NOX4: variants seen among roughly 807,000 people sequenced by gnomAD.
NOX4 encodes the protein kidney oxidase-1.
Under a neutral mutation model 87.6 loss-of-function variants are expected in NOX4, and 69 were observed. The observed-to-expected ratio is 0.79, with a 90% CI of 0.65 to 0.96. The LOEUF is 0.96. Ranked by LOEUF, NOX4 falls within the 40% of genes least tolerant of loss-of-function variation. NOX4 has a pLI of 0.00. For missense variants in NOX4, 680 were observed against 681.5 expected, an observed-to-expected ratio of 1.00 and a Z score of 0.02; for synonymous variants, 275 against 238.2, an observed-to-expected ratio of 1.15 and a Z score of -1.42.
At chr11:89,509,081 T>C in the NOX4 span, among the ~76,000 whole-genome samples, 1 of 151,630 alleles carries the variant, frequency 6.6e-6, no homozygotes, top group Non-Finnish European at 1.5e-5. Context: ...ATATCATAAT[T>C]CTGTTCCTCA....
At chr11:89,478,103 C>T (rs1230283697) in intron 2 of NOX4, among the ~76,000 whole-genome samples, 3 of 151,842 alleles carry the variant, frequency 2.0e-5, no homozygotes, top group Non-Finnish European at 4.4e-5. Context: ...TATAACTTGC[C>T]GTTAGGATGA....
intron 8 of NOX4, among the ~76,000 whole-genome samples, chr11:89,416,663 C>T (rs377639370): frequency 1.3e-3 from 192 of 152,222 alleles, no homozygotes; most frequent in South Asian, 9.5e-3. Context: ...TTAAACTATC[C>T]GCCTATGACA....
upstream of NOX4, among the ~76,000 whole-genome samples, chr11:89,491,762 ACAC>A (rs1282723361): frequency 7.4e-6 from 1 of 135,600 alleles, no homozygotes; most frequent in Non-Finnish European, 1.6e-5. Context: ...ACACACACAC[ACAC>A]AAGAAGACAC....
intron 2 of NOX4, among the ~76,000 whole-genome samples, chr11:89,454,804 A>C (rs1355673736): frequency 6.6e-6 from 1 of 152,128 alleles, no homozygotes; most frequent in African/African-American, 2.4e-5. Flanking sequence ...AAGCGTTTTT[A>C]ATGAATCACT....
At chr11:89,579,327 G>T in the NOX4 span, among the ~76,000 whole-genome samples, 8 of 152,278 alleles carry the variant, frequency 5.3e-5, no homozygotes, top group Middle Eastern at 3.4e-3. Context: ...TGGTGTGTCT[G>T]TGTATGTTCA....
rs555450853 is a variant in NOX4 at position 89,467,302 on chromosome 11, G to A, written c.154-15407C>T. On this transcript the variant is annotated intron_variant, in intron 2 of 17. Coordinates refer to ENST00000263317, the MANE Select transcript of NOX4 (RefSeq NM_016931.5). ...GGAGGTGGAGCTTGCAGTGAGGCCA[G>A]ATCGCACCATTGCACTCCAGCCTGG... is the stretch of plus-strand genomic sequence containing the variant. Among the ~76,000 whole-genome samples, 21 of 120,142 alleles carry A rather than the reference G, an allele frequency of 1.7e-4. No homozygotes were observed. The South Asian group carries it at 5.5e-3, about 32-fold the overall frequency. The allele number at this position is 120,142 out of a possible 152,430, so 78.8% of individuals were successfully genotyped here. A position where few individuals can be genotyped will look rare whatever the true frequency, so the allele number is the denominator to read the frequency against.
chr11:89,455,832 G>C (rs1216236103), intron 2 of NOX4, among the ~76,000 whole-genome samples: 1 of 150,918 alleles, frequency 6.6e-6, no homozygotes, highest in Non-Finnish European at 1.5e-5. Context: ...CATCAAATTT[G>C]GTAATCAATA....
At chr11:89,450,486 A>G (rs1461378557) in intron 3 of NOX4, among the ~76,000 whole-genome samples, 1 of 152,116 alleles carries the variant, frequency 6.6e-6, no homozygotes, top group African/African-American at 2.4e-5. Flanking sequence ...ACAAAAAAGA[A>G]TTTTTGTTGA....
intron 11 of NOX4, among the ~76,000 whole-genome samples, chr11:89,389,688 T>C (rs317149): frequency 0.021 from 3,155 of 152,236 alleles, 110 homozygotes; most frequent in African/African-American, 0.072. Flanking sequence ...TCCAGCAACA[T>C]AGATGTCCAA....
At chr11:89,569,766 G>T in the NOX4 span, among the ~76,000 whole-genome samples, 1 of 152,084 alleles carries the variant, frequency 6.6e-6, no homozygotes, top group African/African-American at 2.4e-5. Flanking sequence ...TACTTTGGGA[G>T]GCTGAGGCGG....
chr11:89,516,430 T>C, the NOX4 span, among the ~76,000 whole-genome samples: 2 of 152,194 alleles, frequency 1.3e-5, no homozygotes, highest in African/African-American at 4.8e-5. Context: ...TAACTATGGT[T>C]TCCTGATTCT....
At chr11:89,373,653 A>T (rs2135061547) in intron 11 of NOX4, among the ~76,000 whole-genome samples, 161 bp from the exon 12 acceptor site, 1 of 152,204 alleles carries the variant, frequency 6.6e-6, no homozygotes, top group African/African-American at 2.4e-5. Flanking sequence ...AAGAAAAAAA[A>T]ATCAATGTCA....
chr11:89,352,065 A>T (rs1946479968), intron 13 of NOX4, among the ~76,000 whole-genome samples: 1 of 152,200 alleles, frequency 6.6e-6, no homozygotes, highest in African/African-American at 2.4e-5. Flanking sequence ...ATGTGTACAC[A>T]TGGATGTAGA....
At chr11:89,405,931 C>G (rs189916256) in intron 8 of NOX4, among the ~76,000 whole-genome samples, 1 of 152,098 alleles carries the variant, frequency 6.6e-6, no homozygotes, top group Admixed American at 6.6e-5. Flanking sequence ...AATATCCACA[C>G]TACTTTATGG....
intron 2 of NOX4, 106 bp from the exon 3 acceptor site, chr11:89,452,001 C>A: frequency 1.4e-6 from 1 of 698,000 alleles, no homozygotes. Context: ...AAGAATCATG[C>A]CAAATACCAG....
At chr11:89,522,418 T>A in the NOX4 span, among the ~76,000 whole-genome samples, 1 of 152,120 alleles carries the variant, frequency 6.6e-6, no homozygotes, top group Admixed American at 6.6e-5. Context: ...GAAAACCAAA[T>A]ACCACATGTT....
chr11:89,535,480 TC>T, the NOX4 span, among the ~76,000 whole-genome samples: 1 of 152,180 alleles, frequency 6.6e-6, no homozygotes, highest in South Asian at 2.1e-4. Context: ...ATTTTCTACC[TC>T]CCTCAAAAAA....
chr11:89,525,376 A>G, the NOX4 span, among the ~76,000 whole-genome samples: 1 of 151,984 alleles, frequency 6.6e-6, no homozygotes, highest in Non-Finnish European at 1.5e-5. Context: ...CTTCTAGTCA[A>G]TATTTGGTAT....
intron 7 of NOX4, 141 bp from the exon 8 acceptor site, chr11:89,422,123 CA>C: frequency 2.0e-6 from 1 of 490,746 alleles, no homozygotes. Context: ...CTACTAATAC[CA>C]AAGTATTAAC....
Sources: gnomAD v4.1 joint callset for allele counts (sites outside exome capture counted in the v4.1 genomes callset) on GRCh38, gnomAD v4.1.1 for gene constraint, MANE v1.5 for transcripts, NCBI Gene and HGNC (gene_info 2026-07-23, HGNC 2026-07-21) for gene names.